The following RUFY1 variants were observed in gnomAD, a reference collection of about 807,000 sequenced individuals.
RUFY1 encodes the protein RUN and FYVE domain-containing protein 1.
A neutral mutation model predicts 94.6 loss-of-function variants in RUFY1; 54 were observed. That is an observed-to-expected ratio of 0.57 (90% CI 0.46 to 0.72). The LOEUF (loss-of-function observed/expected upper bound fraction) is 0.72. Ranked by LOEUF, RUFY1 falls within the 30% of genes least tolerant of loss-of-function variation. RUFY1 has a pLI of 0.00. For synonymous variants in RUFY1, 396 were observed against 347.3 expected, an observed-to-expected ratio of 1.14 and a Z score of -1.56; for missense variants, 883 against 883.9, an observed-to-expected ratio of 1.00 and a Z score of 0.01.
At chr5:179,575,950 G>T (rs6422331) in intron 5 of RUFY1, among the ~76,000 whole-genome samples, 117,607 of 151,808 alleles carry the variant, frequency 0.77, 45,687 homozygotes, top group East Asian at 0.9. Flanking sequence ...CCCAGCTAAT[G>T]TTTGTATTTT....
At chr5:179,575,408 A>G (rs1763542306) in intron 5 of RUFY1, among the ~76,000 whole-genome samples, 1 of 152,144 alleles carries the variant, frequency 6.6e-6, no homozygotes, top group Non-Finnish European at 1.5e-5. Context: ...GGTTTCTTGG[A>G]CATCTCCATG....
At chr5:179,581,194 C>G (rs1764129958) in intron 7 of RUFY1, among the ~76,000 whole-genome samples, 182 bp downstream of exon 7, 1 of 152,304 alleles carries the variant, frequency 6.6e-6, no homozygotes, top group Non-Finnish European at 1.5e-5. Flanking sequence ...TTGATAAACT[C>G]TTGGGAAATC....
intron 5 of RUFY1, among the ~76,000 whole-genome samples, chr5:179,576,648 T>C (rs1477946166): frequency 1.3e-5 from 2 of 152,062 alleles, no homozygotes; most frequent in African/African-American, 4.8e-5. Flanking sequence ...TTCGAACTCC[T>C]GACCTCAGGC....
At chr5:179,551,648 A>G (rs1359336439) in intron 1 of RUFY1, among the ~76,000 whole-genome samples, 2 of 134,430 alleles carry the variant, frequency 1.5e-5, no homozygotes, top group Non-Finnish European at 3.1e-5. Flanking sequence ...GGTGCCCACC[A>G]CCACGCTCGG....
chr5:179,560,938 G>A (rs950413025), intron 2 of RUFY1, among the ~76,000 whole-genome samples: 4 of 152,012 alleles, frequency 2.6e-5, no homozygotes, highest in African/African-American at 9.7e-5. Context: ...GGCCAGGCGC[G>A]GTGGCTCACG....
intron 3 of RUFY1, among the ~76,000 whole-genome samples, chr5:179,566,566 G>T (rs1762845454): frequency 6.6e-6 from 1 of 150,744 alleles, no homozygotes; most frequent in African/African-American, 2.4e-5. Flanking sequence ...AGATCACAAC[G>T]GTGAGCCAAG....
chr5:179,598,727 A>C lies in RUFY1; in HGVS notation c.1667A>C (p.Glu556Ala). ...SLEKELKSEK[E>A]QRQALQRELQ... The stretch of plus-strand genomic sequence containing the variant: ...GAGAAAGAATTGAAATCAGAAAAAG[A>C]GCAAAGACAGGCTCTTCAGCGCGAA... Residue 556 changes from glutamate (E) to alanine (A), a missense_variant, in exon 14 of 18, where the codon GAG becomes GCG. Physicochemically the swap from Glu to Ala is moderately radical, Grantham distance 107 (BLOSUM62 -1). Coordinates refer to ENST00000319449, the MANE Select transcript of RUFY1 (RefSeq NM_025158.5). The C allele has an allele frequency of 6.2e-7, 1 of 1,614,198 alleles. No individual in the cohort carries two copies. Among genetic ancestry groups the C allele is most frequent in the Non-Finnish European group, 8.5e-7 (1 of 1,180,016 alleles).
At position 179,605,961 on chromosome 5, in the gene RUFY1, CT is replaced by C. The variant is rs756477255; in HGVS notation, c.1905+39del. Reference sequence around the variant, plus strand: ...CTAAGAACCACTTCTTTGCTGTCAGCTTGTGCTGACTGCCCGTGTGCTCGTA... The same window carrying C: ...CTAAGAACCACTTCTTTGCTGTCAGCTGTGCTGACTGCCCGTGTGCTCGTA... On this transcript the variant is annotated intron_variant, in intron 16 of 17. Coordinates refer to ENST00000319449, the MANE Select transcript of RUFY1 (RefSeq NM_025158.5). 2.2e-6 allele frequency: 3 copies of C among 1,394,328 alleles called. No individual in the cohort carries two copies. The East Asian group carries it at 6.9e-5, about 32-fold the overall frequency. 86.4% of individuals were successfully genotyped at this position (1,394,328 alleles called of 1,614,324 possible).
intron 16 of RUFY1, 54 bp from the exon 17 acceptor site, chr5:179,607,528 A>C: frequency 6.7e-7 from 1 of 1,483,178 alleles, no homozygotes; most frequent in Non-Finnish European, 9.4e-7. Context: ...GCAGCTACCC[A>C]CTCATCAGGG....
At chr5:179,572,375 G>A (rs554529042) in intron 5 of RUFY1, 34 of 203,500 alleles carry the variant, frequency 1.7e-4, no homozygotes, top group Middle Eastern at 2.1e-3. Flanking sequence ...GAAGTGCTGG[G>A]TGTCTGGGTG....
chr5:179,580,231 G>GTA (rs1422566325), intron 6 of RUFY1, among the ~76,000 whole-genome samples: 4 of 61,042 alleles, frequency 6.6e-5, no homozygotes, highest in Non-Finnish European at 1.5e-4. Flanking sequence ...GTGTGTGTGT[G>GTA]TGTGTGTGTG....
intron 14 of RUFY1, among the ~76,000 whole-genome samples, chr5:179,600,988 G>T (rs528503919): frequency 1.3e-5 from 2 of 151,576 alleles, no homozygotes; most frequent in African/African-American, 4.8e-5. Flanking sequence ...GAGCCACTGC[G>T]CCCAGCTGAG....
chr5:179,559,653 G>C lies in RUFY1; in HGVS notation c.311-372G>C, dbSNP rs545325883. The C allele has an allele frequency of 1.4e-5, 14 of 1,012,402 alleles. No individual in the cohort carries two copies. In the African/African-American group the frequency reaches 2.1e-4, roughly 15 times the overall value. 62.7% of individuals were successfully genotyped at this position (1,012,402 alleles called of 1,614,324 possible). On this transcript the variant is annotated intron_variant, in intron 1 of 17. Transcript: ENST00000319449. ...TTCCCAGCACGCCCTCTAAGAGCTT[G>C]GGGCAGGGCTTCCTGTAGGTAGCGC...
At chr5:179,577,021 A>G in intron 5 of RUFY1, 54 bp from the exon 6 acceptor site, 1 of 1,208,794 alleles carries the variant, frequency 8.3e-7, no homozygotes, top group Non-Finnish European at 1.2e-6. Flanking sequence ...AAGGTTGTAA[A>G]GTTTATGAAA....
At chr5:179,580,239 G>GTATA (rs1390515466) in intron 6 of RUFY1, among the ~76,000 whole-genome samples, 10 of 51,288 alleles carry the variant, frequency 1.9e-4, no homozygotes, top group African/African-American at 2.8e-4. Context: ...GTGTGTGTGT[G>GTATA]TGTATATTTT....
At position 179,592,719 on chromosome 5, in the gene RUFY1, T is replaced by G. The variant is rs547352947; in HGVS notation, c.1246-759T>G. 5.3e-5 allele frequency among the ~76,000 whole-genome samples: 8 copies of G among 152,334 alleles called. No homozygotes were observed. In the East Asian group the frequency reaches 5.8e-4, roughly 11 times the overall value. ...CTTGTACCTGCTTTATTTCTTTGCT[T>G]CTTTGCATGGATGCAGGGAAACATG... On this transcript the variant is annotated intron_variant, in intron 10 of 17. Transcript: ENST00000319449.
intron 1 of RUFY1, chr5:179,555,584 A>C: frequency 5.4e-6 from 2 of 367,246 alleles, no homozygotes; most frequent in South Asian, 4.0e-5. Flanking sequence ...TGGTCTTAAC[A>C]TTTTTTGCTC....
chr5:179,553,593 G>A (rs1005893830), intron 1 of RUFY1, among the ~76,000 whole-genome samples: 1 of 151,796 alleles, frequency 6.6e-6, no homozygotes, highest in African/African-American at 2.4e-5. Flanking sequence ...AGACCAACCT[G>A]GCCAACATGG....
chr5:179,594,001 G>T (rs1581525520), intron 11 of RUFY1, among the ~76,000 whole-genome samples: 1 of 151,898 alleles, frequency 6.6e-6, no homozygotes, highest in African/African-American at 2.4e-5. Context: ...GCATGGAGGA[G>T]AGAATTAAAG....
Sources: gnomAD v4.1 joint callset for allele counts (sites outside exome capture counted in the v4.1 genomes callset) on GRCh38, gnomAD v4.1.1 for gene constraint, MANE v1.5 for transcripts, NCBI Gene and HGNC (gene_info 2026-07-23, HGNC 2026-07-21) for gene names.